The following ZBTB20 variants were observed in gnomAD, a reference collection of about 807,000 sequenced individuals.
ZBTB20 encodes zinc finger and BTB domain-containing protein 20.
A neutral mutation model predicts 56.9 loss-of-function variants in ZBTB20; 9 were observed. That is an observed-to-expected ratio of 0.16 (90% CI 0.10 to 0.28). ZBTB20 has a LOEUF of 0.28. Among genes scored for constraint, ZBTB20 ranks in the 10% least tolerant of loss-of-function variants. The pLI, the probability that ZBTB20 is intolerant of heterozygous loss-of-function variation, is 1.00. For missense variants in ZBTB20, 655 were observed against 1,003.0 expected (o/e 0.65, Z 4.69); for synonymous variants, 417 against 420.7 (o/e 0.99, Z 0.11).
chr3:114,453,585 G>A (rs1470506365), intron 7 of ZBTB20: 6 of 152,012 alleles, frequency 3.9e-5, no homozygotes, highest in African/African-American at 2.4e-5. Context: ...AGATTTTGGC[G>A]ACCCAGAAAG....
intron 7 of ZBTB20, among the ~76,000 whole-genome samples, chr3:114,412,863 CG>C (rs1239495903): frequency 6.6e-6 from 1 of 152,244 alleles, no homozygotes; most frequent in East Asian, 1.9e-4. Flanking sequence ...TTGCTACAAA[CG>C]GAATCACATC....
intron 6 of ZBTB20, chr3:114,687,358 C>T (rs2062404673): frequency 6.6e-6 from 1 of 150,944 alleles, no homozygotes; most frequent in African/African-American, 2.4e-5. Context: ...AATTCATGTA[C>T]CGGCACTAAA....
intron 10 of ZBTB20, among the ~76,000 whole-genome samples, chr3:114,354,795 G>T (rs1413008452): frequency 6.6e-6 from 1 of 152,000 alleles, no homozygotes; most frequent in East Asian, 1.9e-4. Flanking sequence ...GGCCAGGCTG[G>T]TCTCAAACTC....
intron 6 of ZBTB20, among the ~76,000 whole-genome samples, chr3:114,686,850 G>A (rs1422783638): frequency 1.3e-5 from 2 of 151,940 alleles, no homozygotes; most frequent in Non-Finnish European, 2.9e-5. Context: ...CTCCCTAACC[G>A]CAGGCTGTAT....
chr3:114,360,344 CTT>C (rs11295159), intron 10 of ZBTB20, among the ~76,000 whole-genome samples: 2,092 of 111,762 alleles, frequency 0.019, 42 homozygotes, highest in African/African-American at 0.058. Flanking sequence ...GCAAGATTTT[CTT>C]TTTTTTTTTT....
rs1426896083 is a variant in ZBTB20, at chr3:114,332,452, T to C, written c.*6553A>G. 1 of 152,218 alleles carries C rather than the reference T, an allele frequency of 6.6e-6. No homozygotes were observed. The highest frequency in any genetic ancestry group is 1.9e-4 in the East Asian group (1 of 5,196). 9.4% of individuals were successfully genotyped at this position (152,218 alleles called of 1,614,324 possible). ...TGTGATTGCATTTTATAGGATTCTATTTAGTAATATGATGTCTATTTTACA... is the reference window on the plus strand; with the variant it reads ...TGTGATTGCATTTTATAGGATTCTACTTAGTAATATGATGTCTATTTTACA... On this transcript the variant is annotated 3_prime_UTR_variant, in exon 12 of 12. Transcript: ENST00000675478.
intron 2 of ZBTB20, among the ~76,000 whole-genome samples, chr3:115,041,875 C>T (rs2081157792): frequency 6.6e-6 from 1 of 152,238 alleles, no homozygotes; most frequent in South Asian, 2.1e-4. Flanking sequence ...GGAAGGTCTA[C>T]CTCTGTCTAT....
chr3:114,387,880 C>T (rs2085351576), intron 8 of ZBTB20: 1 of 152,202 alleles, frequency 6.6e-6, no homozygotes, highest in South Asian at 2.1e-4. Flanking sequence ...AACACATTCC[C>T]CTCCGGGAAA....
At chr3:114,399,952 A>G (rs1027059249) in intron 7 of ZBTB20, among the ~76,000 whole-genome samples, 3 of 152,134 alleles carry the variant, frequency 2.0e-5, no homozygotes, top group African/African-American at 7.2e-5. Context: ...CATGAGTTGC[A>G]TAGATGAGGA....
chr3:114,751,088 G>A (rs1368173394), intron 5 of ZBTB20, among the ~76,000 whole-genome samples: 1 of 152,110 alleles, frequency 6.6e-6, no homozygotes, highest in East Asian at 1.9e-4. Context: ...CCTACTGTGT[G>A]TCAAACATTA....
At chr3:115,012,193 G>A (rs561214005) in intron 2 of ZBTB20, among the ~76,000 whole-genome samples, 1 of 151,664 alleles carries the variant, frequency 6.6e-6, no homozygotes, top group African/African-American at 2.4e-5. Flanking sequence ...AAAACAAAAT[G>A]GCGGGAGTAA....
chr3:115,069,258 T>C (rs1254960880), intron 2 of ZBTB20, among the ~76,000 whole-genome samples: 1 of 152,192 alleles, frequency 6.6e-6, no homozygotes, highest in East Asian at 1.9e-4. Context: ...CACACAACTA[T>C]TCTAGCTTAG....
At chr3:114,661,260 CA>C (rs1407715555) in intron 6 of ZBTB20, among the ~76,000 whole-genome samples, 1 of 150,984 alleles carries the variant, frequency 6.6e-6, no homozygotes, top group Admixed American at 6.6e-5. Context: ...TCTGGGCACA[CA>C]AAAAAAGGGT....
intron 7 of ZBTB20, among the ~76,000 whole-genome samples, chr3:114,413,562 T>C (rs912687418): frequency 6.6e-6 from 1 of 152,150 alleles, no homozygotes; most frequent in Non-Finnish European, 1.5e-5. Flanking sequence ...AAATGAATGC[T>C]GAACTGAAAG....
intron 5 of ZBTB20, among the ~76,000 whole-genome samples, chr3:114,709,225 T>C (rs1211685108): frequency 6.6e-6 from 1 of 152,164 alleles, no homozygotes; most frequent in East Asian, 1.9e-4. Context: ...TTATATTATT[T>C]AGGCCTGCAG....
At chr3:114,980,712 T>G (rs2078291501) in intron 2 of ZBTB20, among the ~76,000 whole-genome samples, 1 of 151,834 alleles carries the variant, frequency 6.6e-6, no homozygotes, top group African/African-American at 2.4e-5. Flanking sequence ...TATAAAAATA[T>G]TAATAATTTT....
chr3:114,809,897 T>C (rs1466112846), intron 4 of ZBTB20, among the ~76,000 whole-genome samples: 1 of 152,238 alleles, frequency 6.6e-6, no homozygotes, highest in Non-Finnish European at 1.5e-5. Context: ...AACATAACTC[T>C]GTGCAGCCTC....
chr3:114,916,156 T>C (rs2075735646), intron 3 of ZBTB20, among the ~76,000 whole-genome samples: 2 of 152,136 alleles, frequency 1.3e-5, no homozygotes. Flanking sequence ...GATGTTGATG[T>C]CTTCAGCTAT....
In ZBTB20 at chr3:114,461,296, T is replaced by TC. The variant is rs55841623; in HGVS notation, c.-255+39055dup. On this transcript the variant is annotated intron_variant, in intron 7 of 11. Coordinates refer to ENST00000675478, the MANE Select transcript of ZBTB20 (RefSeq NM_001348800.3). ...GCAAAAAACAAACAAAACAATCTCC[T>TC]CCCCCCCCCCTCTTTTTTTTTGAGA... is the stretch of plus-strand genomic sequence containing the variant. Among the ~76,000 whole-genome samples the TC allele has an allele frequency of 5.5e-3, 708 of 128,760 alleles. 16 individuals are homozygous for TC. Among genetic ancestry groups the TC allele is most frequent in the Admixed American group, 0.026 (329 of 12,820 alleles). The allele number at this position is 128,760 out of a possible 152,430, so 84.5% of individuals were successfully genotyped here. A position where few individuals can be genotyped will look rare whatever the true frequency, so the allele number is the denominator to read the frequency against.
Sources: allele counts gnomAD v4.1 joint callset (sites outside exome capture counted in the v4.1 genomes callset), GRCh38; gene constraint gnomAD v4.1.1; transcripts MANE v1.5; gene names NCBI Gene and HGNC (gene_info 2026-07-23, HGNC 2026-07-21).